Variants in ZNF543 observed in about 807,000 individuals in gnomAD.
ZNF543 encodes zinc finger protein 543.
A neutral mutation model predicts 13.4 loss-of-function variants in ZNF543; 10 were observed. The observed-to-expected ratio is 0.75, with a 90% CI of 0.46 to 1.26. ZNF543 has a LOEUF of 1.26. Ranked by LOEUF, ZNF543 falls within the 50% of genes most tolerant of loss-of-function variation. The pLI, the probability that ZNF543 is intolerant of heterozygous loss-of-function variation, is 0.00. For synonymous variants in ZNF543, 272 were observed against 264.7 expected, an observed-to-expected ratio of 1.03 and a Z score of -0.27; for missense variants, 768 against 741.2, an observed-to-expected ratio of 1.04 and a Z score of -0.42.
Position 57,328,168 on chromosome 19 carries a change from T to G in ZNF543, c.706T>G (p.Phe236Val), listed in dbSNP as rs771425179. The G allele has an allele frequency of 1.9e-6, 3 of 1,613,102 alleles. No individual in the cohort carries two copies. The highest frequency in any genetic ancestry group is 4.5e-5 in the East Asian group (2 of 44,878). ...TGAATGCACAGAGTGTGGGAAAACC[T>G]TTAGCAAGAGCACTCATCTTCTTCA... ...PYECTECGKT[F>V]SKSTHLLQHL... The change falls in exon 4 of 4, where the codon TTT (phenylalanine) becomes GTT (valine). Residue 236 changes from phenylalanine (F) to valine (V), a missense_variant. This residue lies in a region of ZNF543 where 677 missense variants were observed against 631.4 expected (regional missense o/e 1.07). Coordinates refer to ENST00000321545, the MANE Select transcript of ZNF543 (RefSeq NM_213598.4).
rs753951516 is a variant in ZNF543, at chr19:57,323,722, A to T, written c.59A>T (p.Gln20Leu). Reference protein sequence around the residue: ...TFEDVAVTFTQEEWGQLDAAQ... With the variant: ...TFEDVAVTFTLEEWGQLDAAQ... The stretch of plus-strand genomic sequence containing the variant: ...GAGGATGTGGCTGTGACATTCACCC[A>T]GGAGGAGTGGGGACAGTTGGATGCA... The change falls in exon 2 of 4, where the codon CAG (glutamine) becomes CTG (leucine). Residue 20 changes from glutamine (Q) to leucine (L), a missense_variant. Coordinates refer to ENST00000321545, the MANE Select transcript of ZNF543 (RefSeq NM_213598.4). 1.2e-6 allele frequency: 2 copies of T among 1,613,746 alleles called. No homozygotes were observed. The highest frequency in any genetic ancestry group is 1.1e-5 in the South Asian group (1 of 91,088).
In ZNF543 at chr19:57,320,778, G is replaced by C. The variant is rs990612910; in HGVS notation, c.-76G>C. On this transcript the variant is annotated 5_prime_UTR_variant, in exon 1 of 4. Transcript: ENST00000321545. ...TGCGAAAGTCAGCCGAGGTCGCCCC[G>C]CCCAGGACAGAGAAGGGCTGGGGGT... 7 of 1,594,602 alleles carry C rather than the reference G, an allele frequency of 4.4e-6. No individual in the cohort carries two copies. In the Admixed American group the frequency reaches 6.8e-5, roughly 16 times the overall value.
chr19:57,324,162 C>A (rs1168460304), intron 2 of ZNF543, among the ~76,000 whole-genome samples: 2 of 152,020 alleles, frequency 1.3e-5, no homozygotes, highest in Non-Finnish European at 2.9e-5. Flanking sequence ...CAAGCCTGGG[C>A]AACATGGTGA....
chr19:57,329,649 A>G lies in ZNF543; in HGVS notation c.*384A>G, dbSNP rs1465933422. ...TGCCTCAGCCTCCCAAGTAGCTGGG[A>G]CTACAGGCACCCGCCACTACGCCTG... On this transcript the variant is annotated 3_prime_UTR_variant, in exon 4 of 4. Coordinates refer to ENST00000321545, the MANE Select transcript of ZNF543 (RefSeq NM_213598.4). The G allele has an allele frequency of 2.5e-5, 4 of 162,002 alleles. No homozygotes were observed. In the South Asian group the frequency reaches 5.0e-4, roughly 20 times the overall value. The allele number at this position is 162,002 out of a possible 1,614,324, so 10.0% of individuals were successfully genotyped here.
At chr19:57,326,498 G>T in intron 2 of ZNF543, 135 bp from the exon 3 acceptor site, 1 of 637,582 alleles carries the variant, frequency 1.6e-6, no homozygotes, top group Non-Finnish European at 2.7e-6. Flanking sequence ...TTATGGTCAC[G>T]GTTCAACGTT....
Position 57,329,106 on chromosome 19 carries a change from A to C in ZNF543, c.1644A>C (p.Ser548=). Residue 548 remains serine, a synonymous_variant, in exon 4 of 4, where the codon TCA becomes TCC. Transcript: ENST00000321545. ...SECGKAFNRG[S]SLTHHQRIHT... is the part of the protein sequence containing the mutation. ...GTGGAAAGGCTTTTAATCGCGGCTCATCCCTCACACATCATCAAAGGATTC... is the reference window on the plus strand; with the variant it reads ...GTGGAAAGGCTTTTAATCGCGGCTCCTCCCTCACACATCATCAAAGGATTC... 2 of 1,614,236 alleles carry C rather than the reference A, an allele frequency of 1.2e-6. No homozygotes were observed. The highest frequency in any genetic ancestry group is 1.7e-6 in the Non-Finnish European group (2 of 1,180,036).
At chr19:57,327,371 G>A (rs536642959) in intron 3 of ZNF543, among the ~76,000 whole-genome samples, 29 of 147,886 alleles carry the variant, frequency 2.0e-4, no homozygotes, top group African/African-American at 7.3e-4. Context: ...CCGAGATGGA[G>A]CCTCCCACTG....
At chr19:57,326,907 A>C in intron 3 of ZNF543, among the ~76,000 whole-genome samples, 179 bp downstream of exon 3, 1 of 120,312 alleles carries the variant, frequency 8.3e-6, no homozygotes, top group African/African-American at 3.2e-5. Flanking sequence ...TCACTCTGTC[A>C]CTCAGGCTGG....
In ZNF543 at chr19:57,327,765, A is replaced by T; in HGVS notation, c.303A>T (p.Glu101Asp). 6.2e-7 allele frequency: 1 copy of T among 1,613,990 alleles called. No individual in the cohort carries two copies. Among genetic ancestry groups the T allele is most frequent in the Non-Finnish European group, 8.5e-7 (1 of 1,179,990 alleles). Residue 101 changes from glutamate to aspartate, a missense_variant, in exon 4 of 4, where the codon GAA (glutamate) becomes GAT (aspartate). By Grantham distance (45) the Glu-to-Asp change is conservative (BLOSUM62 2). Coordinates refer to ENST00000321545, the MANE Select transcript of ZNF543 (RefSeq NM_213598.4). ...TTTCTCACCTGGCCTTGCCTGAGGA[A>T]GTCTTACTCCAGGAACAACTGACAC... ...PTFSHLALPE[E>D]VLLQEQLTQG... is the part of the protein sequence containing the mutation.
chr19:57,329,342 A>G lies in ZNF543; in HGVS notation c.*77A>G. ...CATCCTCTCTTTGAGAAAACGTGTA[A>G]TAGATGATCATTTGTCGTCTAAACA... is the stretch of plus-strand genomic sequence containing the variant. On this transcript the variant is annotated 3_prime_UTR_variant, in exon 4 of 4. Transcript: ENST00000321545. The G allele has an allele frequency of 6.7e-7, 1 of 1,500,230 alleles. No individual in the cohort carries two copies. The highest frequency in any genetic ancestry group is 8.9e-7 in the Non-Finnish European group (1 of 1,128,606). 92.9% of individuals were successfully genotyped at this position (1,500,230 alleles called of 1,614,324 possible).
intron 2 of ZNF543, among the ~76,000 whole-genome samples, chr19:57,325,188 G>T (rs754268631): frequency 6.6e-6 from 1 of 152,112 alleles, no homozygotes; most frequent in African/African-American, 2.4e-5. Flanking sequence ...ATGTGCAAAG[G>T]CCCTGAGGTG....
intron 3 of ZNF543, among the ~76,000 whole-genome samples, chr19:57,327,324 G>A (rs1449036399): frequency 6.7e-6 from 1 of 149,880 alleles, no homozygotes; most frequent in Non-Finnish European, 1.5e-5. Flanking sequence ...GTCTTACAAG[G>A]CAGACTCTAT....
At chr19:57,325,024 A>G (rs975449991) in intron 2 of ZNF543, among the ~76,000 whole-genome samples, 1 of 152,218 alleles carries the variant, frequency 6.6e-6, no homozygotes, top group Non-Finnish European at 1.5e-5. Context: ...GTAAAGTTCT[A>G]TGGCCAGGTG....
intron 2 of ZNF543, among the ~76,000 whole-genome samples, chr19:57,326,063 TCCC>T (rs1568509425): frequency 6.6e-6 from 1 of 152,172 alleles, no homozygotes; most frequent in Non-Finnish European, 1.5e-5. Flanking sequence ...AATTATAAAA[TCCC>T]TTCAGAAAAT....
chr19:57,326,873 C>A (rs1392215258), intron 3 of ZNF543, 145 bp downstream of exon 3: 1 of 580,742 alleles, frequency 1.7e-6, no homozygotes, highest in South Asian at 1.9e-5. Flanking sequence ...GCCCGCCCCC[C>A]CCCACCCGCC....
At position 57,328,487 on chromosome 19, in the gene ZNF543, T is replaced by C. The variant is rs1311165727; in HGVS notation, c.1025T>C (p.Ile342Thr). Residue 342 changes from isoleucine to threonine, a missense_variant, in exon 4 of 4, where the codon ATT (isoleucine) becomes ACT (threonine). Ile to Thr is a moderately conservative substitution (Grantham distance 89, BLOSUM62 -1). This residue lies in a region of ZNF543 where 677 missense variants were observed against 631.4 expected (regional missense o/e 1.07). Transcript: ENST00000321545. ...IHTGEKPYEC[I>T]ECGKAFNRRS... ...ACGGGAGAGAAGCCCTATGAGTGCATTGAGTGTGGGAAGGCCTTCAACCGC... is the reference window on the plus strand; with the variant it reads ...ACGGGAGAGAAGCCCTATGAGTGCACTGAGTGTGGGAAGGCCTTCAACCGC... 7 of 1,613,980 alleles carry C rather than the reference T, an allele frequency of 4.3e-6. No homozygotes were observed. Among genetic ancestry groups the C allele is most frequent in the Non-Finnish European group, 5.9e-6 (7 of 1,180,026 alleles).
Position 57,326,651 on chromosome 19 carries a change from C to T in ZNF543, c.164C>T (p.Pro55Leu). The part of the protein sequence containing the change: ...LMSLGCPLFK[P>L]ELIYQLDHRQ... The stretch of plus-strand genomic sequence containing the variant: ...TGCACAGGCTGTCCTTTGTTCAAAC[C>T]AGAGCTGATCTACCAGTTGGATCAC... Residue 55 changes from proline (P) to leucine (L), a missense_variant, in exon 3 of 4, where the codon CCA becomes CTA. Physicochemically the swap from Pro to Leu is moderately conservative, Grantham distance 98. Transcript: ENST00000321545. 6.2e-7 allele frequency: 1 copy of T among 1,614,014 alleles called. No individual in the cohort carries two copies. The highest frequency in any genetic ancestry group is 8.5e-7 in the Non-Finnish European group (1 of 1,179,914).
At position 57,328,092 on chromosome 19, in the gene ZNF543, G is replaced by T; in HGVS notation, c.630G>T (p.Lys210Asn). Residue 210 changes from lysine (K) to asparagine (N), a missense_variant, in exon 4 of 4, where the codon AAG becomes AAT. Coordinates refer to ENST00000321545, the MANE Select transcript of ZNF543 (RefSeq NM_213598.4). ...KCEECGKVFK[K>N]NALLVQHERI... ...AGGAATGCGGGAAAGTGTTTAAAAA[G>T]AATGCCCTCCTTGTTCAGCATGAAC... The T allele has an allele frequency of 6.2e-7, 1 of 1,614,228 alleles. No homozygotes were observed. Among genetic ancestry groups the T allele is most frequent in the Non-Finnish European group, 8.5e-7 (1 of 1,180,040 alleles).
chr19:57,321,897 A>C (rs2088092094), intron 1 of ZNF543, among the ~76,000 whole-genome samples: 1 of 152,190 alleles, frequency 6.6e-6, no homozygotes, highest in African/African-American at 2.4e-5. Context: ...TGTGGACTAA[A>C]AAAAAATGGT....
Sources: gnomAD v4.1 joint callset for allele counts (sites outside exome capture counted in the v4.1 genomes callset) on GRCh38, gnomAD v4.1.1 for gene constraint, gnomAD v4.1.1 regional missense constraint, MANE v1.5 for transcripts, NCBI Gene and HGNC (gene_info 2026-07-23, HGNC 2026-07-21) for gene names.